Variants in PPP1R9A observed in about 807,000 individuals in gnomAD.
PPP1R9A encodes protein phosphatase 1 regulatory subunit 9A, also known as neurabin-1.
A neutral mutation model predicts 141.9 loss-of-function variants in PPP1R9A; 59 were observed. The observed-to-expected ratio is 0.42, with a 90% CI of 0.34 to 0.52. The LOEUF is 0.52. Among genes scored for constraint, PPP1R9A ranks in the 20% least tolerant of loss-of-function variants. The probability of loss-of-function intolerance (pLI) is 0.10; values close to 1 mark genes in which losing one functional copy is unlikely to be tolerated. For synonymous variants in PPP1R9A, 500 were observed against 569.7 expected, an observed-to-expected ratio of 0.88 and a Z score of 1.74; for missense variants, 1,444 against 1,611.9, an observed-to-expected ratio of 0.90 and a Z score of 1.78.
intron 2 of PPP1R9A, among the ~76,000 whole-genome samples, chr7:95,071,972 A>G (rs1386742394): frequency 6.6e-6 from 1 of 151,554 alleles, no homozygotes; most frequent in Non-Finnish European, 1.5e-5. Context: ...AGAGCAGCCC[A>G]TTTTATTAAA....
intron 18 of PPP1R9A, among the ~76,000 whole-genome samples, chr7:95,286,669 C>T (rs1280239935): frequency 6.6e-6 from 1 of 152,128 alleles, no homozygotes; most frequent in African/African-American, 2.4e-5. Context: ...GACAACCACA[C>T]TCACTCCAAG....
At chr7:95,054,010 AG>A (rs1214196931) in intron 2 of PPP1R9A, among the ~76,000 whole-genome samples, 1 of 152,208 alleles carries the variant, frequency 6.6e-6, no homozygotes, top group Non-Finnish European at 1.5e-5. Flanking sequence ...AAGTATACAT[AG>A]ACAGTTTATG....
chr7:95,146,190 T>C (rs954257886), intron 4 of PPP1R9A, among the ~76,000 whole-genome samples: 1 of 152,212 alleles, frequency 6.6e-6, no homozygotes, highest in Non-Finnish European at 1.5e-5. Flanking sequence ...ATGATTGCCA[T>C]TCTTACTGGC....
At chr7:95,070,900 G>GACTTCCACTTTGA (rs1428860763) in intron 2 of PPP1R9A, among the ~76,000 whole-genome samples, 1 of 151,826 alleles carries the variant, frequency 6.6e-6, no homozygotes, top group Non-Finnish European at 1.5e-5. Flanking sequence ...TCTACTTTGA[G>GACTTCCACTTTGA]ACTTTGAACA....
intron 2 of PPP1R9A, among the ~76,000 whole-genome samples, chr7:95,007,869 C>T (rs529988862): frequency 6.6e-6 from 1 of 152,100 alleles, no homozygotes; most frequent in East Asian, 1.9e-4. Flanking sequence ...GTCAGGAGCT[C>T]GAGACCAACC....
chr7:95,203,874 T>G (rs1790128242), intron 7 of PPP1R9A, 144 bp downstream of exon 7: 1 of 542,568 alleles, frequency 1.8e-6, no homozygotes, highest in Non-Finnish European at 3.0e-6. Flanking sequence ...AATAATAGTT[T>G]GAAAATAATC....
intron 12 of PPP1R9A, among the ~76,000 whole-genome samples, chr7:95,268,342 T>C (rs1374377480): frequency 1.3e-5 from 2 of 152,256 alleles, no homozygotes; most frequent in East Asian, 3.9e-4. Context: ...GCCTTCATCA[T>C]CTTTAGTGTT....
chr7:95,146,097 C>T (rs917160250), intron 4 of PPP1R9A, among the ~76,000 whole-genome samples: 2 of 152,176 alleles, frequency 1.3e-5, no homozygotes, highest in Admixed American at 1.3e-4. Flanking sequence ...AATGGTTGGA[C>T]AAATTTACAT....
Position 95,273,939 on chromosome 7 carries a change from A to T in PPP1R9A, c.3165A>T (p.Ser1055=). The change falls in exon 15 of 20, where the codon TCA becomes TCT. Residue 1055 remains serine, a synonymous_variant. Coordinates refer to ENST00000433360, the MANE Select transcript of PPP1R9A (RefSeq NM_001166160.2). ...KDPKSLRASS[S]LAVQGGKIKR... is the part of the protein sequence containing the mutation. ...CCAAATCACTAAGGGCATCCAGTTC[A>T]TTGGCGGTGCAAGGAGGAAAAATTA... The T allele has an allele frequency of 6.6e-7, 1 of 1,505,232 alleles. No individual in the cohort carries two copies. The highest frequency in any genetic ancestry group is 9.1e-7 in the Non-Finnish European group (1 of 1,095,286). The allele number at this position is 1,505,232 out of a possible 1,614,324, so 93.2% of individuals were successfully genotyped here. A position where few individuals can be genotyped will look rare whatever the true frequency, so the allele number is the denominator to read the frequency against.
chr7:95,201,366 T>C (rs1223390457), intron 6 of PPP1R9A, among the ~76,000 whole-genome samples: 1 of 152,178 alleles, frequency 6.6e-6, no homozygotes, highest in Admixed American at 6.5e-5. Flanking sequence ...GACTTGGGTT[T>C]TTTCCCTTTC....
intron 2 of PPP1R9A, among the ~76,000 whole-genome samples, chr7:94,990,818 T>A (rs1584150593): frequency 6.6e-6 from 1 of 152,250 alleles, no homozygotes; most frequent in Middle Eastern, 3.4e-3. Flanking sequence ...TTTCTGTTTT[T>A]GGCTTATTTT....
chr7:94,913,391 A>G (rs748693960), intron 2 of PPP1R9A, among the ~76,000 whole-genome samples: 2 of 152,208 alleles, frequency 1.3e-5, no homozygotes, highest in Non-Finnish European at 2.9e-5. Flanking sequence ...TCATATAATG[A>G]CAATTTTATC....
intron 2 of PPP1R9A, among the ~76,000 whole-genome samples, chr7:94,975,857 T>A (rs1219396437): frequency 6.6e-6 from 1 of 152,190 alleles, no homozygotes; most frequent in African/African-American, 2.4e-5. Context: ...TGTACATTTT[T>A]AACCCCTTCC....
At chr7:95,192,379 A>G (rs1034967228) in intron 5 of PPP1R9A, among the ~76,000 whole-genome samples, 4 of 151,982 alleles carry the variant, frequency 2.6e-5, no homozygotes, top group African/African-American at 9.7e-5. Context: ...TTTATTATTA[A>G]CTGGATAGAT....
intron 16 of PPP1R9A, among the ~76,000 whole-genome samples, chr7:95,275,590 A>G (rs1187542597): frequency 6.6e-6 from 1 of 152,176 alleles, no homozygotes; most frequent in Non-Finnish European, 1.5e-5. Context: ...TCAGTTACTT[A>G]TGCATCTAAT....
intron 2 of PPP1R9A, among the ~76,000 whole-genome samples, chr7:94,989,530 G>A (rs950438637): frequency 6.6e-6 from 1 of 152,038 alleles, no homozygotes; most frequent in African/African-American, 2.4e-5. Flanking sequence ...ATAGCTCGAA[G>A]TCAATGAAAA....
chr7:95,280,121 T>C (rs1803912930), intron 16 of PPP1R9A, among the ~76,000 whole-genome samples: 1 of 152,176 alleles, frequency 6.6e-6, no homozygotes, highest in African/African-American at 2.4e-5. Context: ...CTGTTATCCA[T>C]TAGGGTCTCT....
At chr7:95,134,902 T>G (rs1768121151) in intron 4 of PPP1R9A, among the ~76,000 whole-genome samples, 3 of 152,198 alleles carry the variant, frequency 2.0e-5, no homozygotes, top group African/African-American at 7.2e-5. Context: ...TTTGTGAGGG[T>G]CATATTGCCA....
intron 4 of PPP1R9A, among the ~76,000 whole-genome samples, chr7:95,143,732 C>G (rs1827107078): frequency 6.6e-6 from 1 of 152,078 alleles, no homozygotes; most frequent in South Asian, 2.1e-4. Flanking sequence ...CTGGTACTTC[C>G]TGGGCATTAT....
Sources: allele counts gnomAD v4.1 joint callset (sites outside exome capture counted in the v4.1 genomes callset), GRCh38; gene constraint gnomAD v4.1.1; transcripts MANE v1.5; gene names NCBI Gene and HGNC (gene_info 2026-07-23, HGNC 2026-07-21).